ITFG1: variants seen among roughly 807,000 people sequenced by gnomAD.
ITFG1 encodes integrin alpha FG-GAP repeat containing 1.
A neutral mutation model predicts 81.8 loss-of-function variants in ITFG1; 34 were observed. That is an observed-to-expected ratio of 0.42 (90% CI 0.32 to 0.55). The LOEUF (loss-of-function observed/expected upper bound fraction) is 0.55, where lower values mean the gene tolerates loss of function less well. Among genes scored for constraint, ITFG1 ranks in the 20% least tolerant of loss-of-function variants. The probability of loss-of-function intolerance (pLI) is 0.17; values close to 1 mark genes in which losing one functional copy is unlikely to be tolerated. For synonymous variants in ITFG1, 285 were observed against 270.6 expected, an observed-to-expected ratio of 1.05 and a Z score of -0.52; for missense variants, 672 against 755.4, an observed-to-expected ratio of 0.89 and a Z score of 1.29.
At chr16:47,433,794 C>T (rs868337974) in intron 5 of ITFG1, among the ~76,000 whole-genome samples, 104 of 115,568 alleles carry the variant, frequency 9.0e-4, no homozygotes, top group African/African-American at 2.1e-3. Flanking sequence ...TATATATATA[C>T]ACACACACAC....
Position 47,158,945 on chromosome 16 carries a change from A to G in ITFG1, c.1707T>C (p.Leu569=), listed in dbSNP as rs1473842897. Reference sequence around the variant, plus strand: ...AGACACCGATGAGAGCTATAGCAGTAAGCAGAACAATATTACTTGGTGTAA... The same window carrying G: ...AGACACCGATGAGAGCTATAGCAGTGAGCAGAACAATATTACTTGGTGTAA... The part of the protein sequence containing the change: ...LYLTPSNIVL[L]TAIALIGVCV... Residue 569 remains leucine (L), a synonymous_variant, in exon 17 of 18, where the codon CTT becomes CTC. Coordinates refer to ENST00000320640, the MANE Select transcript of ITFG1 (RefSeq NM_030790.5). 1.2e-6 allele frequency: 2 copies of G among 1,601,630 alleles called. No homozygotes were observed. The highest frequency in any genetic ancestry group is 1.3e-5 in the African/African-American group (1 of 74,532).
intron 13 of ITFG1, among the ~76,000 whole-genome samples, chr16:47,234,282 G>A (rs1224480473): frequency 6.6e-6 from 1 of 152,174 alleles, no homozygotes; most frequent in African/African-American, 2.4e-5. Context: ...AGAAGAGATG[G>A]TTAATGTAAG....
At chr16:47,293,737 A>G (rs1389283693) in intron 10 of ITFG1, among the ~76,000 whole-genome samples, 1 of 151,906 alleles carries the variant, frequency 6.6e-6, no homozygotes, top group African/African-American at 2.4e-5. Flanking sequence ...GGATTGAGTT[A>G]TTTATAAATT....
chr16:47,257,562 T>G (rs547366242), intron 12 of ITFG1, among the ~76,000 whole-genome samples: 2 of 152,146 alleles, frequency 1.3e-5, no homozygotes, highest in African/African-American at 4.8e-5. Flanking sequence ...GGAAGAGATA[T>G]CTACAAAAAC....
At chr16:47,172,318 C>T (rs1266328300) in intron 14 of ITFG1, among the ~76,000 whole-genome samples, 1 of 152,158 alleles carries the variant, frequency 6.6e-6, no homozygotes, top group Non-Finnish European at 1.5e-5. Context: ...AACCCTGTCT[C>T]TACTAAAAGG....
At chr16:47,182,488 T>C (rs1040508572) in intron 14 of ITFG1, among the ~76,000 whole-genome samples, 5 of 152,228 alleles carry the variant, frequency 3.3e-5, no homozygotes, top group African/African-American at 9.6e-5. Flanking sequence ...AGTAATCCCT[T>C]GACCCCCTTG....
intron 14 of ITFG1, among the ~76,000 whole-genome samples, chr16:47,167,953 GA>G (rs926556302): frequency 2.0e-5 from 3 of 152,116 alleles, no homozygotes; most frequent in Non-Finnish European, 4.4e-5. Flanking sequence ...GTATATATTA[GA>G]AATTCTGGAT....
chr16:47,364,160 A>C (rs1437687485), intron 8 of ITFG1, among the ~76,000 whole-genome samples: 1 of 152,220 alleles, frequency 6.6e-6, no homozygotes, highest in African/African-American at 2.4e-5. Flanking sequence ...AAAATACATG[A>C]ACTTTTAAAA....
chr16:47,454,316 T>C (rs1325736132), intron 2 of ITFG1, among the ~76,000 whole-genome samples, 158 bp from the exon 3 acceptor site: 1 of 152,248 alleles, frequency 6.6e-6, no homozygotes, highest in African/African-American at 2.4e-5. Flanking sequence ...ATCATGTATT[T>C]AGACCTCTTT....
At chr16:47,363,781 CT>C (rs1182061339) in intron 8 of ITFG1, among the ~76,000 whole-genome samples, 1 of 152,166 alleles carries the variant, frequency 6.6e-6, no homozygotes, top group Non-Finnish European at 1.5e-5. Context: ...TATTTTCCTA[CT>C]TTAACAAAAC....
chr16:47,238,725 G>A (rs1965901810), intron 12 of ITFG1, among the ~76,000 whole-genome samples: 1 of 152,134 alleles, frequency 6.6e-6, no homozygotes, highest in African/African-American at 2.4e-5. Flanking sequence ...AGAGCTGATA[G>A]TTCTCAGTGG....
chr16:47,397,100 G>A (rs993413861), intron 6 of ITFG1, among the ~76,000 whole-genome samples: 2 of 152,190 alleles, frequency 1.3e-5, no homozygotes, highest in Admixed American at 6.5e-5. Context: ...GATATTTCGG[G>A]GAGAAATAAT....
chr16:47,356,232 T>G (rs1405301191), intron 8 of ITFG1, among the ~76,000 whole-genome samples: 3 of 152,176 alleles, frequency 2.0e-5, no homozygotes, highest in Non-Finnish European at 4.4e-5. Context: ...AAAGATTACT[T>G]GAGATAAATG....
At chr16:47,418,001 T>C (rs1968895074) in intron 6 of ITFG1, among the ~76,000 whole-genome samples, 1 of 152,190 alleles carries the variant, frequency 6.6e-6, no homozygotes, top group South Asian at 2.1e-4. Context: ...AAACAATGTA[T>C]AAGTGTTCTC....
At chr16:47,270,445 T>TA (rs1966326151) in intron 10 of ITFG1, among the ~76,000 whole-genome samples, 3 of 152,258 alleles carry the variant, frequency 2.0e-5, no homozygotes, top group Admixed American at 1.3e-4. Flanking sequence ...CAGATAAAAT[T>TA]AAAAAGACCA....
At chr16:47,292,957 C>T (rs1440810036) in intron 10 of ITFG1, among the ~76,000 whole-genome samples, 1 of 150,822 alleles carries the variant, frequency 6.6e-6, no homozygotes, top group Non-Finnish European at 1.5e-5. Flanking sequence ...CCTCCAATTC[C>T]ATCCTTGTTG....
At chr16:47,418,418 T>TTTTG (rs539789856) in intron 6 of ITFG1, among the ~76,000 whole-genome samples, 2 of 152,116 alleles carry the variant, frequency 1.3e-5, no homozygotes, top group African/African-American at 4.8e-5. Context: ...TTTGAAATTT[T>TTTTG]TTTGTTTGTT....
intron 8 of ITFG1, among the ~76,000 whole-genome samples, chr16:47,331,136 T>C (rs1015564421): frequency 6.6e-6 from 1 of 152,120 alleles, no homozygotes; most frequent in African/African-American, 2.4e-5. Flanking sequence ...TATGTAGCCA[T>C]AAAAATGAGC....
chr16:47,168,545 G>GT (rs758632507), intron 14 of ITFG1, among the ~76,000 whole-genome samples: 3,390 of 117,624 alleles, frequency 0.029, 173 homozygotes, highest in African/African-American at 0.086. Flanking sequence ...CTAATTAAAA[G>GT]TTTTTTTTTT....
Sources: allele counts gnomAD v4.1 joint callset (sites outside exome capture counted in the v4.1 genomes callset), GRCh38; gene constraint gnomAD v4.1.1; transcripts MANE v1.5; gene names NCBI Gene and HGNC (gene_info 2026-07-23, HGNC 2026-07-21).